Variants in RASAL2 observed in about 807,000 individuals in gnomAD.
RASAL2 encodes the protein RAS protein activator like 2.
In RASAL2, 58 loss-of-function variants were observed where a neutral mutation model predicts 128.9. The ratio of observed to expected loss-of-function variants is 0.45; its 90% CI spans 0.36 to 0.56. The LOEUF (loss-of-function observed/expected upper bound fraction) is 0.56, where lower values mean the gene tolerates loss of function less well. Ranked by LOEUF, RASAL2 falls within the 20% of genes least tolerant of loss-of-function variation. The pLI, the probability that RASAL2 is intolerant of heterozygous loss-of-function variation, is 0.00. For synonymous variants in RASAL2, 561 were observed against 580.8 expected, an observed-to-expected ratio of 0.97 and a Z score of 0.49; for missense variants, 1,360 against 1,601.6, an observed-to-expected ratio of 0.85 and a Z score of 2.57.
chr1:178,173,991 A>C (rs1661798782), intron 1 of RASAL2, among the ~76,000 whole-genome samples: 1 of 151,634 alleles, frequency 6.6e-6, no homozygotes, highest in East Asian at 1.9e-4. Context: ...CATATTTAAG[A>C]CTATGATTCA....
At chr1:178,238,980 G>T (rs1202028379) in intron 1 of RASAL2, among the ~76,000 whole-genome samples, 1 of 151,976 alleles carries the variant, frequency 6.6e-6, no homozygotes, top group Non-Finnish European at 1.5e-5. Flanking sequence ...GAGTACACAG[G>T]TTCTTAGTGA....
At chr1:178,304,721 G>A (rs1002423683) in intron 3 of RASAL2, among the ~76,000 whole-genome samples, 2 of 152,130 alleles carry the variant, frequency 1.3e-5, no homozygotes, top group African/African-American at 2.4e-5. Flanking sequence ...AACTGAAAGC[G>A]TTTCCTCTTA....
chr1:178,260,323 G>A lies in RASAL2; in HGVS notation c.203-23241G>A, dbSNP rs537261430. On this transcript the variant is annotated intron_variant, in intron 1 of 17. Coordinates refer to ENST00000367649, the MANE Select transcript of RASAL2 (RefSeq NM_170692.4). ...GCCGAGATCACGCCACTGCACTCCAGCCTGGGCGACAGAGCGAGACTCGTC... is the reference window on the plus strand; with the variant it reads ...GCCGAGATCACGCCACTGCACTCCAACCTGGGCGACAGAGCGAGACTCGTC... 1.0e-4 allele frequency among the ~76,000 whole-genome samples: 12 copies of A among 116,444 alleles called. No homozygotes were observed. In the East Asian group the frequency reaches 3.0e-3, roughly 29 times the overall value. 76.4% of individuals were successfully genotyped at this position (116,444 alleles called of 152,430 possible).
intron 3 of RASAL2, among the ~76,000 whole-genome samples, chr1:178,342,649 A>C (rs1222975286): frequency 1.3e-5 from 2 of 152,222 alleles, no homozygotes; most frequent in African/African-American, 4.8e-5. Context: ...TTAGGACATC[A>C]ATTTTCTGTA....
At chr1:178,409,467 G>GGAT (rs1472439690) in intron 4 of RASAL2, among the ~76,000 whole-genome samples, 2 of 152,174 alleles carry the variant, frequency 1.3e-5, no homozygotes, top group Non-Finnish European at 2.9e-5. Flanking sequence ...GTATCAAAAA[G>GGAT]GATGATTCAG....
At position 178,409,608 on chromosome 1, in the gene RASAL2, G is replaced by A. The variant is rs138462945; in HGVS notation, c.565-10903G>A. On this transcript the variant is annotated intron_variant, in intron 4 of 17. Transcript: ENST00000367649. The stretch of plus-strand genomic sequence containing the variant: ...CAGGGATCAGCTGGAATGGTAAGTC[G>A]TTACCAGATGATACTATATCTTATA... 3.8e-4 allele frequency among the ~76,000 whole-genome samples: 58 copies of A among 152,148 alleles called. 1 individual carries two copies. The East Asian group carries it at 0.01, about 27-fold the overall frequency.
chr1:178,252,648 T>C (rs748607043), intron 1 of RASAL2, among the ~76,000 whole-genome samples: 1 of 152,162 alleles, frequency 6.6e-6, no homozygotes, highest in Non-Finnish European at 1.5e-5. Context: ...GTTTTTGGCC[T>C]ATAAAGCTCA....
chr1:178,298,568 T>G (rs1016199107), intron 2 of RASAL2, among the ~76,000 whole-genome samples: 1 of 152,192 alleles, frequency 6.6e-6, no homozygotes, highest in African/African-American at 2.4e-5. Flanking sequence ...GCAGAAGGCA[T>G]GTACACTTAA....
intron 1 of RASAL2, among the ~76,000 whole-genome samples, chr1:178,191,312 A>T (rs887011186): frequency 6.6e-6 from 1 of 152,118 alleles, no homozygotes; most frequent in African/African-American, 2.4e-5. Flanking sequence ...TTGTGAGCCA[A>T]TAATTTTGTT....
At chr1:178,133,626 T>A (rs529117370) in intron 1 of RASAL2, among the ~76,000 whole-genome samples, 1 of 152,158 alleles carries the variant, frequency 6.6e-6, no homozygotes, top group African/African-American at 2.4e-5. Flanking sequence ...TTAGGTACTT[T>A]AGGGTTATTA....
intron 3 of RASAL2, among the ~76,000 whole-genome samples, chr1:178,346,403 T>TAAA (rs369075200): frequency 0.08 from 11,463 of 143,618 alleles, 507 homozygotes; most frequent in Middle Eastern, 0.14. Flanking sequence ...CTTGTATCTT[T>TAAA]AAAAAAAAAA....
chr1:178,156,217 C>A (rs1380296733), intron 1 of RASAL2, among the ~76,000 whole-genome samples: 1 of 152,046 alleles, frequency 6.6e-6, no homozygotes, highest in East Asian at 1.9e-4. Flanking sequence ...AAAGCTTATA[C>A]CTGAATGCAA....
At position 178,247,554 on chromosome 1, in the gene RASAL2, G is replaced by T. The variant is rs568375169; in HGVS notation, c.203-36010G>T. 4.6e-5 allele frequency among the ~76,000 whole-genome samples: 7 copies of T among 151,784 alleles called. No homozygotes were observed. In the South Asian group the frequency reaches 1.2e-3, roughly 27 times the overall value. ...TCATTTATTTTTTGAAGAGTTTTTC[G>T]TGTCTCTATCTCCTTCAGTTCTGCA... On this transcript the variant is annotated intron_variant, in intron 1 of 17. Transcript: ENST00000367649.
At chr1:178,328,047 G>C (rs1378770609) in intron 3 of RASAL2, among the ~76,000 whole-genome samples, 1 of 152,034 alleles carries the variant, frequency 6.6e-6, no homozygotes, top group Non-Finnish European at 1.5e-5. Flanking sequence ...TTGGACTTCT[G>C]ACTTCCAGAA....
chr1:178,279,602 G>A lies in RASAL2; in HGVS notation c.203-3962G>A, dbSNP rs1205789178. On this transcript the variant is annotated intron_variant, in intron 1 of 17. Coordinates refer to ENST00000367649, the MANE Select transcript of RASAL2 (RefSeq NM_170692.4). ...AATGCTAGATCTCCAGGACCCCCCC[G>A]ATCTGATAGTTTAAAACTATTTTTT... is the stretch of plus-strand genomic sequence containing the variant. Among the ~76,000 whole-genome samples the A allele has an allele frequency of 4.0e-5, 6 of 151,340 alleles. No individual in the cohort carries two copies. The South Asian group carries it at 6.3e-4, about 16-fold the overall frequency.
At chr1:178,344,590 A>G (rs922119606) in intron 3 of RASAL2, among the ~76,000 whole-genome samples, 5 of 152,174 alleles carry the variant, frequency 3.3e-5, no homozygotes, top group African/African-American at 9.7e-5. Flanking sequence ...TGTTTGTTAC[A>G]GACTCTTTTT....
In RASAL2 at chr1:178,466,070, C is replaced by T. The variant is rs373314293; in HGVS notation, c.3538C>T (p.Leu1180Phe). 4.4e-6 allele frequency: 7 copies of T among 1,581,122 alleles called. No individual in the cohort carries two copies. The highest frequency in any genetic ancestry group is 4.0e-5 in the African/African-American group (3 of 74,242). Reference sequence around the variant, plus strand: ...CCGACTGGAGGACAGCGAGGAGCGGCTCCGAAGACAGCAGGAAGAAAAAGA... The same window carrying T: ...CCGACTGGAGGACAGCGAGGAGCGGTTCCGAAGACAGCAGGAAGAAAAAGA... ...KARLEDSEER[L>F]RRQQEEKDSQ... Residue 1180 changes from leucine (L) to phenylalanine (F), a missense_variant, in exon 16 of 18, where the codon CTC becomes TTC. By Grantham distance (22) the Leu-to-Phe change is conservative (BLOSUM62 0). Transcript: ENST00000367649.
chr1:178,131,848 T>C (rs1300793159), intron 1 of RASAL2, among the ~76,000 whole-genome samples: 3 of 152,188 alleles, frequency 2.0e-5, no homozygotes, highest in Admixed American at 1.3e-4. Flanking sequence ...TAACTTGACA[T>C]GTTTATAAAA....
intron 1 of RASAL2, among the ~76,000 whole-genome samples, chr1:178,211,673 TA>T (rs770037135): frequency 6.6e-6 from 1 of 152,116 alleles, no homozygotes; most frequent in Non-Finnish European, 1.5e-5. Flanking sequence ...CCCCTTAACC[TA>T]AAAAAACCCT....
Sources: gnomAD v4.1 joint callset for allele counts (sites outside exome capture counted in the v4.1 genomes callset) on GRCh38, gnomAD v4.1.1 for gene constraint, MANE v1.5 for transcripts, NCBI Gene and HGNC (gene_info 2026-07-23, HGNC 2026-07-21) for gene names.